Variants in SND1 observed in about 807,000 individuals in gnomAD.
SND1 encodes staphylococcal nuclease and tudor domain containing 1, also known as staphylococcal nuclease domain-containing protein 1.
A neutral mutation model predicts 121.7 loss-of-function variants in SND1; 38 were observed. The ratio of observed to expected loss-of-function variants is 0.31; its 90% CI spans 0.24 to 0.41. The LOEUF (loss-of-function observed/expected upper bound fraction) is 0.41. Among genes scored for constraint, SND1 ranks in the 10% least tolerant of loss-of-function variants. The pLI, the probability that SND1 is intolerant of heterozygous loss-of-function variation, is 1.00. For synonymous variants in SND1, 401 were observed against 447.4 expected, an observed-to-expected ratio of 0.90 and a Z score of 1.31; for missense variants, 868 against 1,184.6, an observed-to-expected ratio of 0.73 and a Z score of 3.92.
chr7:127,720,645 T>C lies in SND1; in HGVS notation c.1039-642T>C, dbSNP rs181457244. Among the ~76,000 whole-genome samples the C allele has an allele frequency of 3.3e-3, 510 of 152,358 alleles. 5 individuals carry two copies. Among genetic ancestry groups the C allele is most frequent in the African/African-American group, 0.012 (489 of 41,588 alleles). On this transcript the variant is annotated intron_variant, in intron 9 of 23. Coordinates refer to ENST00000354725, the MANE Select transcript of SND1 (RefSeq NM_014390.4). ...TTCTGAGCGTGGGGTTCTGTGTTACTGATCTTGGGTTCCAAAACAAAGATG... is the reference window on the plus strand; with the variant it reads ...TTCTGAGCGTGGGGTTCTGTGTTACCGATCTTGGGTTCCAAAACAAAGATG...
chr7:127,973,048 C>A (rs900890831), intron 15 of SND1, among the ~76,000 whole-genome samples: 20 of 152,196 alleles, frequency 1.3e-4, no homozygotes, highest in Non-Finnish European at 2.8e-4. Context: ...GAGGTGGTTG[C>A]CATGTGTCTG....
chr7:128,087,111 G>A, intron 21 of SND1, 60 bp downstream of exon 21: 1 of 1,316,138 alleles, frequency 7.6e-7, no homozygotes, highest in Non-Finnish European at 1.1e-6. Flanking sequence ...AGCCGCTGCA[G>A]CAGCCCTCAT....
At chr7:127,820,889 GATTT>G (rs1385326418) in intron 11 of SND1, among the ~76,000 whole-genome samples, 1 of 152,154 alleles carries the variant, frequency 6.6e-6, no homozygotes, top group Non-Finnish European at 1.5e-5. Context: ...AGGAAAAAGT[GATTT>G]GCTAAATGCC....
intron 1 of SND1, among the ~76,000 whole-genome samples, chr7:127,652,772 C>T (rs1795144832): frequency 6.6e-6 from 1 of 152,186 alleles, no homozygotes; most frequent in African/African-American, 2.4e-5. Context: ...GTCCTCCCAT[C>T]CCCCGTCTTT....
In SND1 at chr7:128,085,464, C is replaced by T. The variant is rs754875043; in HGVS notation, c.2235-247C>T. ...TCATTAGTCTTGTTGCTTTATGCCC[C>T]AAGGACACATTAATCTGCTCCACAT... On this transcript the variant is annotated intron_variant, in intron 19 of 23. Coordinates refer to ENST00000354725, the MANE Select transcript of SND1 (RefSeq NM_014390.4). This position sits in a 1 kb window ranked among gnomAD's most constrained non-coding sequence, Gnocchi z 4.4. Among the ~76,000 whole-genome samples the T allele has an allele frequency of 6.6e-5, 10 of 152,214 alleles. No individual in the cohort carries two copies. The highest frequency in any genetic ancestry group is 1.5e-4 in the Non-Finnish European group (10 of 68,028).
At chr7:127,834,518 T>C (rs1798829773) in intron 11 of SND1, among the ~76,000 whole-genome samples, 1 of 152,216 alleles carries the variant, frequency 6.6e-6, no homozygotes, top group Non-Finnish European at 1.5e-5. Context: ...TCGGTGTCTG[T>C]GACTTTAGTT....
chr7:127,672,190 A>G (rs1337109446), intron 1 of SND1, among the ~76,000 whole-genome samples: 1 of 152,166 alleles, frequency 6.6e-6, no homozygotes, highest in Non-Finnish European at 1.5e-5. Context: ...TTTGAGAGTA[A>G]TCTGCAGATA....
intron 11 of SND1, among the ~76,000 whole-genome samples, chr7:127,834,011 CAAGAT>C (rs1324188221): frequency 6.6e-6 from 1 of 151,980 alleles, no homozygotes; most frequent in Non-Finnish European, 1.5e-5. Context: ...ATAATGTCCT[CAAGAT>C]AATGAGAATT....
intron 16 of SND1, among the ~76,000 whole-genome samples, chr7:128,054,284 G>A (rs975173396): frequency 6.6e-6 from 1 of 152,242 alleles, no homozygotes; most frequent in East Asian, 1.9e-4. Context: ...ACCAGAGTGG[G>A]GAGGAAAAGA....
chr7:127,737,434 G>A (rs534580753), intron 10 of SND1, among the ~76,000 whole-genome samples: 29 of 152,234 alleles, frequency 1.9e-4, no homozygotes, highest in Non-Finnish European at 4.1e-4. Flanking sequence ...AATTAGCTGG[G>A]TGTGGTGGCG....
At chr7:127,701,982 C>T (rs987530240) in intron 5 of SND1, among the ~76,000 whole-genome samples, 12 of 152,174 alleles carry the variant, frequency 7.9e-5, no homozygotes, top group African/African-American at 2.4e-4. Flanking sequence ...GGTTGGTTGA[C>T]TCCATGAATG....
intron 11 of SND1, among the ~76,000 whole-genome samples, chr7:127,834,073 A>G (rs1584606566): frequency 6.6e-6 from 1 of 151,984 alleles, no homozygotes; most frequent in African/African-American, 2.4e-5. Context: ...TGTATCTACC[A>G]TATTTTGTTT....
chr7:127,795,387 C>A (rs1448060557), intron 10 of SND1, among the ~76,000 whole-genome samples: 1 of 152,196 alleles, frequency 6.6e-6, no homozygotes, highest in African/African-American at 2.4e-5. Context: ...GGGTTAATCT[C>A]AACTTCATGA....
intron 15 of SND1, among the ~76,000 whole-genome samples, chr7:127,987,808 A>G (rs1423375682): frequency 7.1e-6 from 1 of 141,444 alleles, no homozygotes; most frequent in African/African-American, 3.1e-5. Context: ...CTGTCAGTAT[A>G]ACATATACTG....
chr7:128,009,531 C>T (rs1329796911), intron 16 of SND1, among the ~76,000 whole-genome samples: 2 of 152,216 alleles, frequency 1.3e-5, no homozygotes, highest in African/African-American at 4.8e-5. Flanking sequence ...AGTACAGTAG[C>T]CACGTAATGG....
At chr7:127,691,496 A>T (rs1301684873) in intron 2 of SND1, among the ~76,000 whole-genome samples, 1 of 151,906 alleles carries the variant, frequency 6.6e-6, no homozygotes, top group South Asian at 2.1e-4. Context: ...GTGAACCAAG[A>T]TTATGCCACT....
chr7:127,657,371 A>G (rs1795230333), intron 1 of SND1, among the ~76,000 whole-genome samples: 1 of 152,230 alleles, frequency 6.6e-6, no homozygotes, highest in South Asian at 2.1e-4. Context: ...AAGACTTCTC[A>G]GAAGATGGCA....
At chr7:127,991,905 G>T (rs1187154241) in intron 16 of SND1, among the ~76,000 whole-genome samples, 2 of 152,148 alleles carry the variant, frequency 1.3e-5, no homozygotes, top group Non-Finnish European at 2.9e-5. Context: ...GATTTGAATT[G>T]CTAAGAAATA....
intron 15 of SND1, among the ~76,000 whole-genome samples, chr7:127,975,207 G>A (rs1004208283): frequency 2.0e-5 from 3 of 152,204 alleles, no homozygotes; most frequent in Admixed American, 6.5e-5. Flanking sequence ...CTACAAGGAC[G>A]TGCAGCGCAT....
Sources: allele counts gnomAD v4.1 joint callset (sites outside exome capture counted in the v4.1 genomes callset), GRCh38; gene constraint gnomAD v4.1.1; non-coding constraint Gnocchi (gnomAD v3.1); transcripts MANE v1.5; gene names NCBI Gene and HGNC (gene_info 2026-07-23, HGNC 2026-07-21).